PCNX4: variants seen among roughly 807,000 people sequenced by gnomAD.
PCNX4 encodes the protein pecanex 4.
Under a neutral mutation model 107.2 loss-of-function variants are expected in PCNX4, and 103 were observed. The ratio of observed to expected loss-of-function variants is 0.96; its 90% confidence interval spans 0.82 to 1.13. PCNX4 has a LOEUF of 1.13. Among genes scored for constraint, PCNX4 ranks in the 50% most tolerant of loss-of-function variants. PCNX4 has a pLI of 0.00. For synonymous variants in PCNX4, 541 were observed against 481.7 expected, an observed-to-expected ratio of 1.12 and a Z score of -1.61; for missense variants, 1,528 against 1,379.4, an observed-to-expected ratio of 1.11 and a Z score of -1.71.
At chr14:60,093,983 CA>C (rs1463053052) in intron 1 of PCNX4, among the ~76,000 whole-genome samples, 1 of 152,030 alleles carries the variant, frequency 6.6e-6, no homozygotes, top group African/African-American at 2.4e-5. Context: ...GCTTATTAAC[CA>C]TTTGTATATC....
intron 2 of PCNX4, among the ~76,000 whole-genome samples, chr14:60,112,232 C>T (rs1014911320): frequency 1.3e-5 from 2 of 152,140 alleles, no homozygotes; most frequent in African/African-American, 4.8e-5. Flanking sequence ...GAATGATACA[C>T]ATTTATATCA....
At chr14:60,093,484 C>G (rs1895352533) in intron 1 of PCNX4, among the ~76,000 whole-genome samples, 1 of 152,140 alleles carries the variant, frequency 6.6e-6, no homozygotes, top group Admixed American at 6.5e-5. Context: ...CGGGCTTTCA[C>G]TTAGTGTGTT....
At chr14:60,097,653 G>A (rs1895450170) in intron 1 of PCNX4, among the ~76,000 whole-genome samples, 1 of 152,152 alleles carries the variant, frequency 6.6e-6, no homozygotes, top group Non-Finnish European at 1.5e-5. Flanking sequence ...AAACTTAAAG[G>A]TCTAAAAAGC....
chr14:60,142,965 AAAAG>A lies in PCNX4; in HGVS notation c.*8764_*8767del, dbSNP rs544526485. Reference sequence around the variant, plus strand: ...GGCGACACAGTAAGACTCCATCTCCAAAAGAAAGAAAGAAAGAAAGAAAAAAATG... The same window carrying A: ...GGCGACACAGTAAGACTCCATCTCCAAAAGAAAGAAAGAAAGAAAAAAATG... On this transcript the variant is annotated 3_prime_UTR_variant, in exon 11 of 11. Transcript: ENST00000406854. This position sits in a 1 kb window ranked among gnomAD's most constrained non-coding sequence, Gnocchi z 4.7. 653 of 150,986 alleles carry A rather than the reference AAAAG, an allele frequency of 4.3e-3. 3 individuals carry two copies. Among genetic ancestry groups the A allele is most frequent in the Admixed American group, 7.5e-3 (115 of 15,240 alleles). The allele number at this position is 150,986 out of a possible 1,614,324, so 9.4% of individuals were successfully genotyped here. A position where few individuals can be genotyped will look rare whatever the true frequency, so the allele number is the denominator to read the frequency against.
intron 7 of PCNX4, among the ~76,000 whole-genome samples, chr14:60,120,568 C>T (rs1895935348): frequency 6.6e-6 from 1 of 152,062 alleles, no homozygotes. Flanking sequence ...ATAATTTCTG[C>T]AACATTATTT....
At chr14:60,119,495 T>C (rs1287324635) in intron 7 of PCNX4, among the ~76,000 whole-genome samples, 2 of 152,204 alleles carry the variant, frequency 1.3e-5, no homozygotes, top group Non-Finnish European at 2.9e-5. Flanking sequence ...ATAAAATGCT[T>C]ACTTCAGGTT....
At chr14:60,098,881 T>G (rs1595159032) in intron 1 of PCNX4, among the ~76,000 whole-genome samples, 1 of 150,520 alleles carries the variant, frequency 6.6e-6, no homozygotes, top group African/African-American at 2.5e-5. Flanking sequence ...GAGGTTGCAG[T>G]GAGCCGAGAT....
chr14:60,127,068 T>A (rs1194989914), intron 10 of PCNX4, among the ~76,000 whole-genome samples: 1 of 152,228 alleles, frequency 6.6e-6, no homozygotes, highest in Non-Finnish European at 1.5e-5. Context: ...CCAGAGGAAC[T>A]GATTTATCTG....
chr14:60,134,471 G>C lies in PCNX4; in HGVS notation c.*250G>C, dbSNP rs1896211893. On this transcript the variant is annotated 3_prime_UTR_variant, in exon 11 of 11. Transcript: ENST00000406854. ...GCCCTCTGGACTTTAGTAGGCTTTG[G>C]TAAATGTGAGAAAACTTTTGTAGAA... 1 of 400,670 alleles carries C rather than the reference G, an allele frequency of 2.5e-6. No homozygotes were observed. The highest frequency in any genetic ancestry group is 4.4e-6 in the Non-Finnish European group (1 of 226,216). The allele number at this position is 400,670 out of a possible 1,614,324, so 24.8% of individuals were successfully genotyped here. A position where few individuals can be genotyped will look rare whatever the true frequency, so the allele number is the denominator to read the frequency against.
chr14:60,098,520 A>G (rs1273904810), intron 1 of PCNX4, among the ~76,000 whole-genome samples: 1 of 152,244 alleles, frequency 6.6e-6, no homozygotes, highest in Non-Finnish European at 1.5e-5. Flanking sequence ...AGAGATGTTA[A>G]CGTGCTTGTT....
chr14:60,110,879 T>G (rs1052945041), intron 2 of PCNX4: 1 of 166,998 alleles, frequency 6.0e-6, no homozygotes, highest in African/African-American at 2.4e-5. Context: ...TCAAAAATGT[T>G]TATGTTGAAG....
intron 1 of PCNX4, among the ~76,000 whole-genome samples, chr14:60,095,320 G>A (rs926887134): frequency 6.6e-6 from 1 of 152,178 alleles, no homozygotes; most frequent in African/African-American, 2.4e-5. Context: ...TAAGATAACA[G>A]ACAAAATGGG....
In PCNX4 at chr14:60,124,735, G is replaced by A; in HGVS notation, c.2564G>A (p.Gly855Glu). Residue 855 changes from glycine (G) to glutamate (E), a missense_variant, in exon 9 of 11, where the codon GGA becomes GAA. Gly to Glu is a moderately conservative substitution (Grantham distance 98). Transcript: ENST00000406854. ...DLPGTNLFIP[G>E]SVESQRVGDH... ...CCAGGTACAAATTTGTTTATTCCAG[G>A]ATCAGTAGAATCACAGAGGGTTGGT... 3 of 1,613,062 alleles carry A rather than the reference G, an allele frequency of 1.9e-6. No homozygotes were observed. Among genetic ancestry groups the A allele is most frequent in the Non-Finnish European group, 2.5e-6 (3 of 1,179,760 alleles).
At chr14:60,104,684 C>T (rs1365518070) in intron 1 of PCNX4, among the ~76,000 whole-genome samples, 5 of 152,098 alleles carry the variant, frequency 3.3e-5, no homozygotes, top group Admixed American at 6.5e-5. Flanking sequence ...AAATCAGAAC[C>T]GAGTGGAAGG....
intron 2 of PCNX4, among the ~76,000 whole-genome samples, chr14:60,111,324 A>G (rs950030238): frequency 1.3e-5 from 2 of 152,224 alleles, no homozygotes; most frequent in African/African-American, 4.8e-5. Flanking sequence ...CCAGAGGACA[A>G]TGTAATGCCC....
intron 2 of PCNX4, chr14:60,109,019 A>G (rs143042501): frequency 1.2e-5 from 2 of 167,012 alleles, no homozygotes; most frequent in Non-Finnish European, 2.9e-5. Context: ...TTAAACCCCA[A>G]TGTGATGGTA....
Position 60,144,997 on chromosome 14 carries a change from TAAG to T in PCNX4, c.*10781_*10783del, listed in dbSNP as rs1257064141. The T allele has an allele frequency of 3.7e-6, 6 of 1,601,420 alleles. No individual in the cohort carries two copies. The highest frequency in any genetic ancestry group is 5.1e-6 in the Non-Finnish European group (6 of 1,176,636). ...ATGTTTTGTCTTAAAGATTTTAAAA[TAAG>T]AAGAGTCTGCATCCTGTAAAAGAGG... On this transcript the variant is annotated 3_prime_UTR_variant, in exon 11 of 11. Coordinates refer to ENST00000406854, the MANE Select transcript of PCNX4 (RefSeq NM_001330177.2).
rs1472147205 is a variant in PCNX4 at position 60,134,152 on chromosome 14, A to T, written c.3450A>T (p.Val1150=). The stretch of plus-strand genomic sequence containing the variant: ...CACTACTTTTAAGAAATCTTACGGT[A>T]CAAGCAGCAGAACCTCCCCTGGGAT... ...AHPLLLRNLT[V]QAAEPPLGYP... The change falls in exon 11 of 11, where the codon GTA becomes GTT. Residue 1150 remains valine (V), a synonymous_variant. Coordinates refer to ENST00000406854, the MANE Select transcript of PCNX4 (RefSeq NM_001330177.2). 1 of 1,613,702 alleles carries T rather than the reference A, an allele frequency of 6.2e-7. No homozygotes were observed. Among genetic ancestry groups the T allele is most frequent in the Non-Finnish European group, 8.5e-7 (1 of 1,179,708 alleles).
At chr14:60,128,867 A>G (rs563749060) in intron 10 of PCNX4, among the ~76,000 whole-genome samples, 1 of 152,276 alleles carries the variant, frequency 6.6e-6, no homozygotes, top group South Asian at 2.1e-4. Context: ...CAGATAATTC[A>G]TTTCTGGATT....
Sources: allele counts gnomAD v4.1 joint callset (sites outside exome capture counted in the v4.1 genomes callset), GRCh38; gene constraint gnomAD v4.1.1; non-coding constraint Gnocchi (gnomAD v3.1); transcripts MANE v1.5; gene names NCBI Gene and HGNC (gene_info 2026-07-23, HGNC 2026-07-21).